Variants in NOSTRIN observed in about 807,000 individuals in gnomAD.
NOSTRIN encodes the protein BM247 homolog.
Under a neutral mutation model 59.0 loss-of-function variants are expected in NOSTRIN, and 63 were observed. The observed-to-expected ratio is 1.07, with a 90% CI of 0.87 to 1.32. NOSTRIN has a LOEUF of 1.32. Ranked by LOEUF, NOSTRIN falls within the 40% of genes most tolerant of loss-of-function variation. NOSTRIN has a pLI of 0.00. For missense variants in NOSTRIN, 512 were observed against 473.1 expected, an observed-to-expected ratio of 1.08 and a Z score of -0.76; for synonymous variants, 200 against 165.4, an observed-to-expected ratio of 1.21 and a Z score of -1.61.
At chr2:168,831,431 G>A in intron 5 of NOSTRIN, 41 bp from the exon 6 acceptor site, 1 of 850,784 alleles carries the variant, frequency 1.2e-6, no homozygotes, top group Admixed American at 1.7e-5. Flanking sequence ...AACTAAACAA[G>A]AAGAAAGCAA....
intron 3 of NOSTRIN, 152 bp downstream of exon 3, chr2:168,824,869 C>G: frequency 3.3e-6 from 2 of 598,812 alleles, no homozygotes; most frequent in Non-Finnish European, 6.2e-6. Context: ...CTCAATCCCC[C>G]AGGCTCAGGT....
upstream of NOSTRIN, among the ~76,000 whole-genome samples, chr2:168,793,787 C>G (rs1042435905): frequency 6.6e-5 from 10 of 152,226 alleles, no homozygotes; most frequent in African/African-American, 2.2e-4. Flanking sequence ...CTATAAGGTC[C>G]CATGCAAACT....
chr2:168,844,967 C>A (rs1392119641), intron 8 of NOSTRIN, among the ~76,000 whole-genome samples: 3 of 152,040 alleles, frequency 2.0e-5, no homozygotes, highest in Non-Finnish European at 4.4e-5. Context: ...AGGCGGAAAC[C>A]CAACGGCTGC....
chr2:168,797,999 A>G (rs1685529632), upstream of NOSTRIN, among the ~76,000 whole-genome samples: 3 of 152,226 alleles, frequency 2.0e-5, no homozygotes, highest in Admixed American at 6.5e-5. Context: ...AAATAGTGTC[A>G]TATTTGCATA....
chr2:168,834,968 G>T (rs1687631979), intron 7 of NOSTRIN, among the ~76,000 whole-genome samples: 1 of 152,160 alleles, frequency 6.6e-6, no homozygotes, highest in African/African-American at 2.4e-5. Flanking sequence ...AAACCATGAT[G>T]TCTTTAGATA....
intron 2 of NOSTRIN, among the ~76,000 whole-genome samples, chr2:168,812,983 C>G (rs1686227430): frequency 1.3e-5 from 2 of 151,294 alleles, no homozygotes; most frequent in African/African-American, 4.8e-5. Flanking sequence ...AAGAACAAAA[C>G]CAGATTTATC....
intron 11 of NOSTRIN, chr2:168,856,294 T>C: frequency 4.3e-6 from 1 of 233,300 alleles, no homozygotes; most frequent in Non-Finnish European, 8.5e-6. Flanking sequence ...ACCCTACTGG[T>C]GGCTGGGTGC....
At chr2:168,861,657 G>C (rs1472053662) in intron 14 of NOSTRIN, among the ~76,000 whole-genome samples, 1 of 152,026 alleles carries the variant, frequency 6.6e-6, no homozygotes, top group Admixed American at 6.6e-5. Context: ...ACTGGTGAAT[G>C]TTTTCCAAAA....
chr2:168,796,923 G>T (rs1685493486), upstream of NOSTRIN, among the ~76,000 whole-genome samples: 1 of 152,092 alleles, frequency 6.6e-6, no homozygotes, highest in Admixed American at 6.6e-5. Flanking sequence ...TGCGAATGAA[G>T]TCACTCTCTC....
upstream of NOSTRIN, among the ~76,000 whole-genome samples, chr2:168,795,778 A>G (rs539446523): frequency 6.6e-6 from 1 of 152,378 alleles, no homozygotes; most frequent in East Asian, 1.9e-4. Context: ...CAAAGTAATT[A>G]GTACAAACAG....
chr2:168,834,507 GCACA>G lies in NOSTRIN; in HGVS notation c.504+214_504+217del, dbSNP rs1553527194. On this transcript the variant is annotated intron_variant, in intron 7 of 15. Coordinates refer to ENST00000317647, the MANE Select transcript of NOSTRIN (RefSeq NM_001039724.4). Reference sequence around the variant, plus strand: ...TACTGGCGTGCGCGCGCGCGCGCGCGCACACACACACACACACACACACACACAC... The same window carrying G: ...TACTGGCGTGCGCGCGCGCGCGCGCGCACACACACACACACACACACACAC... 2.4e-3 allele frequency among the ~76,000 whole-genome samples: 297 copies of G among 125,424 alleles called. 1 individual carries two copies. The highest frequency in any genetic ancestry group is 8.3e-3 in the Middle Eastern group (2 of 240). 82.3% of individuals were successfully genotyped at this position (125,424 alleles called of 152,430 possible). A position where few individuals can be genotyped will look rare whatever the true frequency, so the allele number is the denominator to read the frequency against.
chr2:168,848,337 A>G (rs1688550666), intron 8 of NOSTRIN, among the ~76,000 whole-genome samples: 1 of 152,258 alleles, frequency 6.6e-6, no homozygotes, highest in Non-Finnish European at 1.5e-5. Context: ...GGGGACTGCC[A>G]GCGTAAACCA....
chr2:168,828,819 T>C (rs565835462), intron 5 of NOSTRIN, among the ~76,000 whole-genome samples: 36 of 152,118 alleles, frequency 2.4e-4, no homozygotes, highest in African/African-American at 6.3e-4. Flanking sequence ...AAGAATTTAA[T>C]CACATGGGGA....
intron 15 of NOSTRIN, among the ~76,000 whole-genome samples, chr2:168,864,218 C>G (rs996823321): frequency 3.3e-5 from 5 of 151,662 alleles, no homozygotes; most frequent in African/African-American, 1.2e-4. Flanking sequence ...TCTGCCTAAT[C>G]TGCCCATCGC....
At chr2:168,817,468 A>C (rs1686475203) in intron 2 of NOSTRIN, among the ~76,000 whole-genome samples, 1 of 152,214 alleles carries the variant, frequency 6.6e-6, no homozygotes, top group African/African-American at 2.4e-5. Flanking sequence ...TAATCAGATC[A>C]ATTTGACTGG....
At chr2:168,788,847 G>A (rs1235044553) in intron 2 of NOSTRIN, among the ~76,000 whole-genome samples, 1 of 151,936 alleles carries the variant, frequency 6.6e-6, no homozygotes, top group Non-Finnish European at 1.5e-5. Flanking sequence ...GTGTGTATAT[G>A]CATTTACCTG....
chr2:168,792,654 AT>A (rs1685387797), intron 2 of NOSTRIN, among the ~76,000 whole-genome samples: 1 of 151,712 alleles, frequency 6.6e-6, no homozygotes, highest in Non-Finnish European at 1.5e-5. Context: ...TGTTTTTTGT[AT>A]TTTTAGTAGA....
At chr2:168,839,552 G>A (rs1478828602) in intron 7 of NOSTRIN, among the ~76,000 whole-genome samples, 2 of 152,112 alleles carry the variant, frequency 1.3e-5, no homozygotes, top group East Asian at 1.9e-4. Flanking sequence ...AAAAAGGGAC[G>A]AAAGGAAAAG....
At chr2:168,827,754 G>A (rs1469938207) in intron 3 of NOSTRIN, among the ~76,000 whole-genome samples, 1 of 151,704 alleles carries the variant, frequency 6.6e-6, no homozygotes, top group Non-Finnish European at 1.5e-5. Context: ...GTTTTTCGTA[G>A]AGAAAAGGTC....
Sources: allele counts gnomAD v4.1 joint callset (sites outside exome capture counted in the v4.1 genomes callset), GRCh38; gene constraint gnomAD v4.1.1; transcripts MANE v1.5; gene names NCBI Gene and HGNC (gene_info 2026-07-23, HGNC 2026-07-21).